Variants in VPS41 observed in about 807,000 individuals in gnomAD.
VPS41 encodes VPS41 subunit of HOPS complex.
A neutral mutation model predicts 130.9 loss-of-function variants in VPS41; 85 were observed. The observed-to-expected ratio is 0.65, with a 90% CI of 0.55 to 0.78. The LOEUF is 0.78. Ranked by LOEUF, VPS41 falls within the 30% of genes least tolerant of loss-of-function variation. VPS41 has a pLI of 0.00. For synonymous variants in VPS41, 335 were observed against 332.9 expected, an observed-to-expected ratio of 1.01 and a Z score of -0.07; for missense variants, 874 against 1,018.7, an observed-to-expected ratio of 0.86 and a Z score of 1.93.
rs749248549 is a variant in VPS41, at chr7:38,789,884, C to A, written c.718-17G>T. On this transcript the variant is annotated splice_polypyrimidine_tract_variant and intron_variant, in intron 9 of 28. Coordinates refer to ENST00000310301, the MANE Select transcript of VPS41 (RefSeq NM_014396.4). ...TGAGCACACCTGGAAAATAAGTTCGCAGGTTATTTTATTCATTTGATGGAA... is the reference window on the plus strand; with the variant it reads ...TGAGCACACCTGGAAAATAAGTTCGAAGGTTATTTTATTCATTTGATGGAA... 9 of 1,612,996 alleles carry A rather than the reference C, an allele frequency of 5.6e-6. No homozygotes were observed. The highest frequency in any genetic ancestry group is 7.6e-6 in the Non-Finnish European group (9 of 1,179,250).
chr7:38,842,690 A>G (rs1210077111), intron 4 of VPS41, among the ~76,000 whole-genome samples: 2 of 152,224 alleles, frequency 1.3e-5, no homozygotes, highest in South Asian at 2.1e-4. Flanking sequence ...TTGGCTTAGT[A>G]TAGGCCATGC....
chr7:38,876,898 T>C (rs1786503699), intron 2 of VPS41, among the ~76,000 whole-genome samples: 1 of 151,962 alleles, frequency 6.6e-6, no homozygotes, highest in African/African-American at 2.4e-5. Flanking sequence ...ATTTAGTTTA[T>C]ATTGGGAAAG....
chr7:38,886,595 A>G (rs1440397768), intron 2 of VPS41, among the ~76,000 whole-genome samples: 1 of 152,226 alleles, frequency 6.6e-6, no homozygotes, highest in East Asian at 1.9e-4. Context: ...GGCAGGGTAT[A>G]TCTGAACAAA....
rs148747718 is a variant in VPS41, at chr7:38,727,529, T to G, written c.2405-541A>C. On this transcript the variant is annotated intron_variant, in intron 27 of 28. Coordinates refer to ENST00000310301, the MANE Select transcript of VPS41 (RefSeq NM_014396.4). ...ATTTAGTGTCATCAGCAGAGTAAAT[T>G]TGGAGTTAAATCTAACTGTAGAGTG... Among the ~76,000 whole-genome samples, 281 of 152,266 alleles carry G rather than the reference T, an allele frequency of 1.8e-3. 2 individuals are homozygous for G. Among genetic ancestry groups the G allele is most frequent in the Non-Finnish European group, 1.8e-3 (124 of 68,010 alleles).
intron 25 of VPS41, among the ~76,000 whole-genome samples, chr7:38,733,992 G>C (rs1795717400): frequency 6.6e-6 from 1 of 152,142 alleles, no homozygotes; most frequent in African/African-American, 2.4e-5. Flanking sequence ...AGGTTGAAGT[G>C]AAAGGATCAC....
chr7:38,817,287 T>C (rs1245782931), intron 7 of VPS41, among the ~76,000 whole-genome samples: 1 of 152,226 alleles, frequency 6.6e-6, no homozygotes, highest in Non-Finnish European at 1.5e-5. Flanking sequence ...TCTTATTTTC[T>C]TGTCCTATAT....
intron 25 of VPS41, among the ~76,000 whole-genome samples, chr7:38,739,159 T>A (rs940903335): frequency 6.6e-6 from 1 of 152,218 alleles, no homozygotes; most frequent in Non-Finnish European, 1.5e-5. Context: ...TGAGAAGCCC[T>A]GTGAGAACAT....
intron 4 of VPS41, among the ~76,000 whole-genome samples, chr7:38,848,407 T>C (rs999645977): frequency 2.0e-5 from 3 of 152,196 alleles, no homozygotes; most frequent in Non-Finnish European, 4.4e-5. Flanking sequence ...CCTTCGTTTT[T>C]CTTTCTTTCT....
chr7:38,781,257 C>G (rs1270586785), intron 10 of VPS41, among the ~76,000 whole-genome samples: 1 of 152,170 alleles, frequency 6.6e-6, no homozygotes, highest in Non-Finnish European at 1.5e-5. Flanking sequence ...CCTTTTATTT[C>G]TAGACTGTCT....
At chr7:38,904,254 G>A (rs1056611448) in intron 1 of VPS41, among the ~76,000 whole-genome samples, 18 of 152,120 alleles carry the variant, frequency 1.2e-4, no homozygotes, top group Admixed American at 5.9e-4. Flanking sequence ...TGGGCGCGGC[G>A]GAGGCTACTA....
intron 5 of VPS41, among the ~76,000 whole-genome samples, chr7:38,821,503 G>A (rs1421193029): frequency 6.6e-6 from 1 of 152,148 alleles, no homozygotes; most frequent in Non-Finnish European, 1.5e-5. Context: ...AAGGTCAGGA[G>A]TTGAAGACCA....
intron 7 of VPS41, among the ~76,000 whole-genome samples, chr7:38,812,321 T>A (rs1201535543): frequency 6.6e-6 from 1 of 152,160 alleles, no homozygotes; most frequent in African/African-American, 2.4e-5. Context: ...ACAGTGATGC[T>A]GGGCCAACTG....
intron 7 of VPS41, among the ~76,000 whole-genome samples, chr7:38,809,859 T>C (rs1784909291): frequency 6.6e-6 from 1 of 152,102 alleles, no homozygotes; most frequent in Non-Finnish European, 1.5e-5. Context: ...TGTATTTCAG[T>C]GTTCAAAAGT....
intron 23 of VPS41, among the ~76,000 whole-genome samples, chr7:38,744,865 C>A (rs2240354): frequency 0.24 from 35,825 of 152,082 alleles, 4,903 homozygotes; most frequent in East Asian, 0.43. Flanking sequence ...AGAGTGAGTG[C>A]TGTATAAGGG....
chr7:38,744,917 A>G (rs1464274048), intron 23 of VPS41, among the ~76,000 whole-genome samples: 1 of 152,246 alleles, frequency 6.6e-6, no homozygotes, highest in Non-Finnish European at 1.5e-5. Context: ...TCAGCAGGGA[A>G]GTGACAATGG....
intron 4 of VPS41, chr7:38,831,308 T>G (rs190719241): frequency 1.7e-5 from 8 of 463,294 alleles, no homozygotes; most frequent in African/African-American, 1.4e-4. Context: ...TCCAATATGG[T>G]ACTGTCCACA....
chr7:38,830,958 T>A (rs1460446339), intron 4 of VPS41, among the ~76,000 whole-genome samples: 1 of 152,132 alleles, frequency 6.6e-6, no homozygotes, highest in Non-Finnish European at 1.5e-5. Flanking sequence ...GGCTACAACC[T>A]GGGAGGAGTG....
chr7:38,874,986 G>C (rs1329489818), intron 2 of VPS41, among the ~76,000 whole-genome samples: 1 of 152,082 alleles, frequency 6.6e-6, no homozygotes, highest in Admixed American at 6.6e-5. Flanking sequence ...GAAGCCCTAT[G>C]ACTAAAATAT....
chr7:38,766,511 G>C (rs893369581), intron 15 of VPS41, among the ~76,000 whole-genome samples: 5 of 152,204 alleles, frequency 3.3e-5, no homozygotes, highest in African/African-American at 1.2e-4. Context: ...CCTGAGGAAA[G>C]GGAAGGTTTC....
Sources: gnomAD v4.1 joint callset for allele counts (sites outside exome capture counted in the v4.1 genomes callset) on GRCh38, gnomAD v4.1.1 for gene constraint, MANE v1.5 for transcripts, NCBI Gene and HGNC (gene_info 2026-07-23, HGNC 2026-07-21) for gene names.